The following A2M variants were observed in gnomAD, a reference collection of about 807,000 sequenced individuals.
A2M encodes the protein C3 and PZP-like alpha-2-macroglobulin domain-containing protein 5.
A neutral mutation model predicts 183.9 loss-of-function variants in A2M; 128 were observed. The observed-to-expected ratio is 0.70, with a 90% CI of 0.60 to 0.81. The LOEUF is 0.81. Ranked by LOEUF, A2M falls within the 30% of genes least tolerant of loss-of-function variation. The pLI, the probability that A2M is intolerant of heterozygous loss-of-function variation, is 0.00. For missense variants in A2M, 1,495 were observed against 1,787.6 expected (o/e 0.84, Z 2.95); for synonymous variants, 592 against 670.8 (o/e 0.88, Z 1.81).
intron 10 of A2M, 142 bp from the exon 11 acceptor site, chr12:9,104,542 G>C: frequency 1.3e-6 from 1 of 782,724 alleles, no homozygotes; most frequent in Non-Finnish European, 2.0e-6. Flanking sequence ...AAAAAACGAA[G>C]TTTCTTCCAT....
chr12:9,109,530 C>A, intron 6 of A2M, 125 bp from the exon 7 acceptor site: 1 of 728,332 alleles, frequency 1.4e-6, no homozygotes. Flanking sequence ...CTCTGCTCTC[C>A]AATCTATTCT....
intron 8 of A2M, among the ~76,000 whole-genome samples, chr12:9,107,134 C>T (rs1938355389): frequency 1.3e-5 from 2 of 152,028 alleles, no homozygotes; most frequent in South Asian, 4.2e-4. Flanking sequence ...GGGAAGCGGC[C>T]TTCTATATGG....
intron 22 of A2M, among the ~76,000 whole-genome samples, chr12:9,087,626 T>C (rs745320530): frequency 2.0e-5 from 3 of 152,150 alleles, no homozygotes; most frequent in Non-Finnish European, 4.4e-5. Context: ...GTGTATTTTA[T>C]GTTTCAAACT....
At chr12:9,095,742 C>CTTTTTT (rs34176052) in intron 15 of A2M, 42 bp from the exon 16 acceptor site, 31 of 292,922 alleles carry the variant, frequency 1.1e-4, no homozygotes, top group Admixed American at 2.5e-4. Context: ...TTATTTGTGA[C>CTTTTTT]TTTTTTTTTT....
At position 9,091,438 on chromosome 12, in the gene A2M, G is replaced by A. The variant is rs1565590461; in HGVS notation, c.2241-9C>T. The A allele has an allele frequency of 3.7e-6, 6 of 1,613,606 alleles. No individual in the cohort carries two copies. Among genetic ancestry groups the A allele is most frequent in the Non-Finnish European group, 5.1e-6 (6 of 1,179,580 alleles). On this transcript the variant is annotated splice_polypyrimidine_tract_variant and intron_variant, in intron 18 of 35. Transcript: ENST00000318602. ...CAGCCACACCTGCTGAGCTGGAGAG[G>A]AGTGTAAGTGAAGAACAGAAAGTAA... is the stretch of plus-strand genomic sequence containing the variant.
At chr12:9,095,490 A>G in intron 16 of A2M, 49 bp downstream of exon 16, 1 of 1,544,702 alleles carries the variant, frequency 6.5e-7, no homozygotes, top group Non-Finnish European at 8.9e-7. Context: ...TCCATGTGTA[A>G]TATTTTAAGA....
intron 5 of A2M, 108 bp from the exon 6 acceptor site, chr12:9,110,143 G>C (rs1015936059): frequency 8.0e-7 from 1 of 1,246,210 alleles, no homozygotes; most frequent in African/African-American, 1.5e-5. Flanking sequence ...AAATGGGGTA[G>C]TAGTAAAGGG....
intron 23 of A2M, 26 bp downstream of exon 23, chr12:9,080,068 G>C (rs369990475): frequency 6.8e-7 from 1 of 1,472,546 alleles, no homozygotes; most frequent in South Asian, 1.3e-5. Flanking sequence ...GTTAATGCCC[G>C]GATCCACTAG....
At chr12:9,097,575 T>C (rs1949419240) in intron 15 of A2M, among the ~76,000 whole-genome samples, 1 of 152,034 alleles carries the variant, frequency 6.6e-6, no homozygotes, top group Non-Finnish European at 1.5e-5. Context: ...ATAATACATA[T>C]GTTCCCTCAG....
At position 9,072,642 on chromosome 12, in the gene A2M, A is replaced by T; in HGVS notation, c.3975+11T>A. The T allele has an allele frequency of 1.2e-6, 2 of 1,613,806 alleles. No homozygotes were observed. The highest frequency in any genetic ancestry group is 2.7e-5 in the African/African-American group (2 of 75,034). On this transcript the variant is annotated intron_variant, in intron 30 of 35. Transcript: ENST00000318602. ...TCATCTGTCCTGTCCTCACCTGCCC[A>T]AGAGTCTCACCTGGAGGTAGACACA... is the stretch of plus-strand genomic sequence containing the variant.
In A2M at chr12:9,093,593, G is replaced by A; in HGVS notation, c.2126-14C>T. On this transcript the variant is annotated splice_polypyrimidine_tract_variant and intron_variant, in intron 17 of 35. Transcript: ENST00000318602. ...TTACATCTGACTCTATGGTGAGTGAGGAAGAAGACATTACAATAAACATAC... is the reference window on the plus strand; with the variant it reads ...TTACATCTGACTCTATGGTGAGTGAAGAAGAAGACATTACAATAAACATAC... 6.8e-7 allele frequency: 1 copy of A among 1,461,906 alleles called. No homozygotes were observed. 90.6% of individuals were successfully genotyped at this position (1,461,906 alleles called of 1,614,324 possible).
At chr12:9,077,979 T>A in intron 25 of A2M, 122 bp from the exon 26 acceptor site, 1 of 1,087,470 alleles carries the variant, frequency 9.2e-7, no homozygotes, top group South Asian at 1.5e-5. Context: ...TTAGAGAGCT[T>A]ATCTCCTTGA....
At chr12:9,082,697 T>C (rs1452095702) in intron 22 of A2M, among the ~76,000 whole-genome samples, 1 of 152,182 alleles carries the variant, frequency 6.6e-6, no homozygotes, top group Non-Finnish European at 1.5e-5. Context: ...CTCAAAAAAT[T>C]GACCTCATAG....
At chr12:9,069,491 C>G (rs954092245) in intron 33 of A2M, among the ~76,000 whole-genome samples, 1 of 152,066 alleles carries the variant, frequency 6.6e-6, no homozygotes, top group Non-Finnish European at 1.5e-5. Context: ...ACATAATAAA[C>G]ACATTTTGTG....
Position 9,106,233 on chromosome 12 carries a change from C to T in A2M, c.1104+3G>A. 1 of 1,584,408 alleles carries T rather than the reference C, an allele frequency of 6.3e-7. No individual in the cohort carries two copies. Among genetic ancestry groups the T allele is most frequent in the Non-Finnish European group, 8.7e-7 (1 of 1,153,190 alleles). On this transcript the variant is annotated splice_donor_region_variant and intron_variant, in intron 10 of 35. Transcript: ENST00000318602. ...TTGATGAGTGAACTGGAAAATACTC[C>T]ACCTGCCCAAAGAAGGGAATTCCCT...
At chr12:9,095,828 C>T (rs939638577) in intron 15 of A2M, 128 bp from the exon 16 acceptor site, 6 of 695,044 alleles carry the variant, frequency 8.6e-6, no homozygotes, top group South Asian at 6.7e-5. Flanking sequence ...GGCGCAATCT[C>T]GGCTCACTGC....
At chr12:9,072,603 A>T in intron 30 of A2M, 50 bp downstream of exon 30, 1 of 1,596,140 alleles carries the variant, frequency 6.3e-7, no homozygotes, top group Non-Finnish European at 8.6e-7. Context: ...TCTCAGAGAG[A>T]ACAGCTGCTG....
At chr12:9,078,479 T>G (rs1948813676) in intron 25 of A2M, among the ~76,000 whole-genome samples, 1 of 152,232 alleles carries the variant, frequency 6.6e-6, no homozygotes, top group Non-Finnish European at 1.5e-5. Flanking sequence ...TTTGTTATTG[T>G]AAATAGTGCC....
At chr12:9,100,558 C>T (rs1047279970) in intron 13 of A2M, among the ~76,000 whole-genome samples, 1 of 151,920 alleles carries the variant, frequency 6.6e-6, no homozygotes, top group East Asian at 1.9e-4. Flanking sequence ...GGATTACAGG[C>T]GTAAGCCATC....
Sources: gnomAD v4.1 joint callset for allele counts (sites outside exome capture counted in the v4.1 genomes callset) on GRCh38, gnomAD v4.1.1 for gene constraint, MANE v1.5 for transcripts, NCBI Gene and HGNC (gene_info 2026-07-23, HGNC 2026-07-21) for gene names.